The following EPHA10 variants were observed in gnomAD, a reference collection of about 807,000 sequenced individuals.
The protein encoded by EPHA10 is ephrin type-A receptor 10.
Under a neutral mutation model 109.7 loss-of-function variants are expected in EPHA10, and 120 were observed. That is an observed-to-expected ratio of 1.09 (90% CI 0.94 to 1.27). EPHA10 has a LOEUF of 1.27. Among genes scored for constraint, EPHA10 ranks in the 50% most tolerant of loss-of-function variants. The probability of loss-of-function intolerance (pLI) is 0.00; values close to 1 mark genes in which losing one functional copy is unlikely to be tolerated. For missense variants in EPHA10, 1,396 were observed against 1,411.1 expected (o/e 0.99, Z 0.17); for synonymous variants, 640 against 618.9 (o/e 1.03, Z -0.51).
chr1:37,714,413 C>T (rs567323970), downstream of EPHA10, among the ~76,000 whole-genome samples: 2 of 152,352 alleles, frequency 1.3e-5, no homozygotes, highest in Admixed American at 1.3e-4. Context: ...CTTTGGCCCA[C>T]ACCTGCAGCC....
chr1:37,764,518 G>A lies in EPHA10; in HGVS notation c.106+443C>T, dbSNP rs922173960. ...GGCAGCGCCCGGATCCAGCCCCCTC[G>A]ACCAGCATTCCACCTTCTGTTGGCC... On this transcript the variant is annotated intron_variant, in intron 1 of 16. Coordinates refer to ENST00000373048, the MANE Select transcript of EPHA10 (RefSeq NM_001099439.2). This position sits in a 1 kb window ranked among gnomAD's most constrained non-coding sequence, Gnocchi z 5.8. Among the ~76,000 whole-genome samples the A allele has an allele frequency of 2.0e-5, 3 of 151,960 alleles. No individual in the cohort carries two copies. Among genetic ancestry groups the A allele is most frequent in the Non-Finnish European group, 2.9e-5 (2 of 67,994 alleles).
Position 37,753,024 on chromosome 1 carries a change from T to G in EPHA10, c.1209A>C (p.Ala403=). Reference sequence around the variant, plus strand: ...GCGTGGCGGCTCGCTCCCGCAGCCCTGCCTGGCGCGGTAGGAAGGCCACGC... The same window carrying G: ...GCGTGGCGGCTCGCTCCCGCAGCCCGGCCTGGCGCGGTAGGAAGGCCACGC... ...GPRVAFLPRQ[A]GLRERAATLL... Residue 403 remains alanine, a synonymous_variant, in exon 5 of 17, where the codon GCA becomes GCC. Coordinates refer to ENST00000373048, the MANE Select transcript of EPHA10 (RefSeq NM_001099439.2). 1 of 1,231,026 alleles carries G rather than the reference T, an allele frequency of 8.1e-7. No homozygotes were observed. Among genetic ancestry groups the G allele is most frequent in the Non-Finnish European group, 1.0e-6 (1 of 988,672 alleles). The allele number at this position is 1,231,026 out of a possible 1,614,324, so 76.3% of individuals were successfully genotyped here.
chr1:37,730,060 C>G (rs1247024446), intron 7 of EPHA10, among the ~76,000 whole-genome samples: 1 of 152,084 alleles, frequency 6.6e-6, no homozygotes, highest in African/African-American at 2.4e-5. Context: ...CTCCTGCCCC[C>G]ACTACGCCCA....
chr1:37,721,627 G>T, intron 11 of EPHA10, 33 bp downstream of exon 11: 1 of 1,574,726 alleles, frequency 6.4e-7, no homozygotes, highest in South Asian at 1.2e-5. Flanking sequence ...ATACCCGTGG[G>T]CTGGGCAGCA....
intron 7 of EPHA10, among the ~76,000 whole-genome samples, chr1:37,728,150 C>A (rs145864108): frequency 3.9e-5 from 6 of 152,296 alleles, no homozygotes; most frequent in Non-Finnish European, 7.3e-5. Context: ...TGCTTTGATG[C>A]ACACACTGGG....
chr1:37,729,191 G>A (rs1053641874), intron 7 of EPHA10, among the ~76,000 whole-genome samples: 24 of 152,160 alleles, frequency 1.6e-4, no homozygotes, highest in Non-Finnish European at 1.3e-4. Flanking sequence ...CCCTGAGCAG[G>A]GAGGTGAACT....
In EPHA10 at chr1:37,718,295, C is replaced by G; in HGVS notation, c.*77G>C. On this transcript the variant is annotated 3_prime_UTR_variant, in exon 17 of 17. Transcript: ENST00000373048. ...CGCTCCCTCCCACACTGCTGGAGCG[C>G]AGCTTGCCACGGTCCTTGGGCAGGG... 2 of 1,281,324 alleles carry G rather than the reference C, an allele frequency of 1.6e-6. No individual in the cohort carries two copies. The highest frequency in any genetic ancestry group is 2.2e-6 in the Non-Finnish European group (2 of 913,374). The allele number at this position is 1,281,324 out of a possible 1,614,324, so 79.4% of individuals were successfully genotyped here. A position where few individuals can be genotyped will look rare whatever the true frequency, so the allele number is the denominator to read the frequency against.
At chr1:37,756,084 C>T (rs1425870406) in intron 3 of EPHA10, among the ~76,000 whole-genome samples, 1 of 152,082 alleles carries the variant, frequency 6.6e-6, no homozygotes, top group African/African-American at 2.4e-5. Context: ...CTCGGCAGCC[C>T]AGGAGCCTTC....
At chr1:37,747,939 A>G (rs934755309) in intron 5 of EPHA10, among the ~76,000 whole-genome samples, 4 of 152,206 alleles carry the variant, frequency 2.6e-5, no homozygotes, top group Admixed American at 2.6e-4. Context: ...AGAGAAAGTG[A>G]AGTTAACTCC....
chr1:37,756,085 A>C (rs2148368064), intron 3 of EPHA10, among the ~76,000 whole-genome samples: 1 of 152,248 alleles, frequency 6.6e-6, no homozygotes, highest in East Asian at 1.9e-4. Flanking sequence ...TCGGCAGCCC[A>C]GGAGCCTTCA....
rs747804081 is a variant in EPHA10, at chr1:37,754,206, G to T, written c.1006+9C>A. 2.3e-6 allele frequency: 3 copies of T among 1,286,410 alleles called. No homozygotes were observed. The South Asian group carries it at 8.6e-5, about 37-fold the overall frequency. The allele number at this position is 1,286,410 out of a possible 1,614,324, so 79.7% of individuals were successfully genotyped here. On this transcript the variant is annotated intron_variant, in intron 4 of 16. Transcript: ENST00000373048. This position sits in a 1 kb window ranked among gnomAD's most constrained non-coding sequence, Gnocchi z 4.5. The stretch of plus-strand genomic sequence containing the variant: ...ACCCTCCGCAGTGCAGCCTGGAGGG[G>T]GGACTCACGGGTGCAGGAAGCCGAG...
chr1:37,720,711 A>G, intron 12 of EPHA10, 72 bp downstream of exon 12: 1 of 1,585,640 alleles, frequency 6.3e-7, no homozygotes, highest in African/African-American at 1.3e-5. Context: ...AAGCCCTACC[A>G]AAGAGAAAAG....
At chr1:37,756,486 A>AG (rs772587138) in intron 3 of EPHA10, 25,500 of 152,166 alleles carry the variant, frequency 0.17, 2,396 homozygotes, top group South Asian at 0.23. Context: ...GCTGAAGAGC[A>AG]GATTCAGGGA....
At chr1:37,750,830 G>A (rs896502650) in intron 5 of EPHA10, among the ~76,000 whole-genome samples, 4 of 151,890 alleles carry the variant, frequency 2.6e-5, no homozygotes, top group Non-Finnish European at 4.4e-5. Flanking sequence ...AAGGGCATGA[G>A]CCACTGTTCC....
chr1:37,761,604 G>A lies in EPHA10; in HGVS notation c.651C>T (p.Gly217=), dbSNP rs1646431544. The change falls in exon 3 of 17, where the codon GGC becomes GGT. Residue 217 remains glycine, a synonymous_variant. Coordinates refer to ENST00000373048, the MANE Select transcript of EPHA10 (RefSeq NM_001099439.2). The part of the protein sequence containing the change: ...YYKQCRATVR[G]LATFPATAAE... ...CTGCGGTGGCTGGGAACGTGGCCAG[G>A]CCCCGCACGGTGGCGCGGCACTGCT... 3 of 1,602,152 alleles carry A rather than the reference G, an allele frequency of 1.9e-6. No individual in the cohort carries two copies. The South Asian group carries it at 3.3e-5, about 18-fold the overall frequency.
At chr1:37,721,919 G>A (rs1412716806) in intron 10 of EPHA10, 74 bp from the exon 11 acceptor site, 2 of 1,379,010 alleles carry the variant, frequency 1.5e-6, no homozygotes, top group South Asian at 1.6e-5. Context: ...GAGCCGAGGA[G>A]AAAGTGACTC....
In EPHA10 at chr1:37,735,270, C is replaced by T. The variant is rs201931535; in HGVS notation, c.1478G>A (p.Arg493Gln). 1 of 1,566,458 alleles carries T rather than the reference C, an allele frequency of 6.4e-7. No individual in the cohort carries two copies. The highest frequency in any genetic ancestry group is 8.7e-7 in the Non-Finnish European group (1 of 1,155,552). ...ACACGCACTCACCTTCTCGTAGTATCGGATCTCGTACTCCGTGTCATTGGC... is the reference window on the plus strand; with the variant it reads ...ACACGCACTCACCTTCTCGTAGTATTGGATCTCGTACTCCGTGTCATTGGC... ...PGANDTEYEI[R>Q]YYEKGQSEQT... The change falls in exon 6 of 17, where the codon CGA (arginine) becomes CAA (glutamine). Residue 493 changes from arginine (R) to glutamine (Q), a missense_variant. Coordinates refer to ENST00000373048, the MANE Select transcript of EPHA10 (RefSeq NM_001099439.2).
At chr1:37,751,491 C>A (rs901500386) in intron 5 of EPHA10, among the ~76,000 whole-genome samples, 2 of 150,108 alleles carry the variant, frequency 1.3e-5, no homozygotes, top group Non-Finnish European at 3.0e-5. Flanking sequence ...ATCACTTGAA[C>A]CCAGGAGGCA....
chr1:37,735,006 G>C (rs1408806118), intron 6 of EPHA10, among the ~76,000 whole-genome samples: 1 of 152,138 alleles, frequency 6.6e-6, no homozygotes, highest in Non-Finnish European at 1.5e-5. Flanking sequence ...AAAGCTCTTT[G>C]TCAACCGAAA....
Sources: allele counts gnomAD v4.1 joint callset (sites outside exome capture counted in the v4.1 genomes callset), GRCh38; gene constraint gnomAD v4.1.1; non-coding constraint Gnocchi (gnomAD v3.1); transcripts MANE v1.5; gene names NCBI Gene and HGNC (gene_info 2026-07-23, HGNC 2026-07-21).